Variants in CD9 observed in about 807,000 individuals in gnomAD.
CD9 encodes CD9 antigen.
In CD9, 10 loss-of-function variants were observed where a neutral mutation model predicts 31.4. The ratio of observed to expected loss-of-function variants is 0.32; its 90% CI spans 0.20 to 0.54. CD9 has a LOEUF of 0.54. Among genes scored for constraint, CD9 ranks in the 20% least tolerant of loss-of-function variants. CD9 has a pLI of 0.94. For missense variants in CD9, 259 were observed against 300.1 expected (o/e 0.86, Z 1.01); for synonymous variants, 113 against 114.1 (o/e 0.99, Z 0.06).
intron 1 of CD9, among the ~76,000 whole-genome samples, chr12:6,220,622 A>G (rs1390291832): frequency 6.6e-6 from 1 of 152,236 alleles, no homozygotes; most frequent in Non-Finnish European, 1.5e-5. Context: ...GCAGAGGCAG[A>G]CCTGCATAGT....
chr12:6,237,756 C>G lies in CD9; in HGVS notation c.622-7C>G. On this transcript the variant is annotated splice_region_variant and splice_polypyrimidine_tract_variant and intron_variant, in intron 7 of 7. Transcript: ENST00000009180. The stretch of plus-strand genomic sequence containing the variant: ...CCCTGATCCTCATGTTTCTTCCTAT[C>G]TCCTAGATATTTGGCATGATCTTCA... 6.2e-7 allele frequency: 1 copy of G among 1,609,350 alleles called. No homozygotes were observed. Among genetic ancestry groups the G allele is most frequent in the South Asian group, 1.1e-5 (1 of 90,928 alleles).
At chr12:6,206,639 GC>G (rs1946135917) in intron 1 of CD9, among the ~76,000 whole-genome samples, 3 of 152,294 alleles carry the variant, frequency 2.0e-5, no homozygotes, top group Admixed American at 2.0e-4. Context: ...GTGATGGCAT[GC>G]AGCCGTAGAA....
At chr12:6,235,017 G>A (rs948071162) in intron 4 of CD9, among the ~76,000 whole-genome samples, 18 of 152,342 alleles carry the variant, frequency 1.2e-4, no homozygotes, top group Non-Finnish European at 2.1e-4. Flanking sequence ...CAGCCCGAGT[G>A]GGTTTCTGGA....
intron 1 of CD9, among the ~76,000 whole-genome samples, chr12:6,207,180 C>G (rs569414607): frequency 6.6e-6 from 1 of 152,326 alleles, no homozygotes; most frequent in South Asian, 2.1e-4. Context: ...CCACGCCCAG[C>G]CTGAGCTCAC....
rs374468804 is a variant in CD9, at chr12:6,235,327, G to A, written c.447G>A (p.Ala149=). 8 of 1,614,076 alleles carry A rather than the reference G, an allele frequency of 5.0e-6. No individual in the cohort carries two copies. Among genetic ancestry groups the A allele is most frequent in the African/African-American group, 4.0e-5 (3 of 74,936 alleles). ...AAACGCTGAAAGCCATCCACTATGC[G>A]GTATGTCGCCTTGGCAAAGACACCC... ...QRETLKAIHY[A]LNCCGLAGGV... is the part of the protein sequence containing the mutation. Residue 149 remains alanine, a splice_region_variant and synonymous_variant, in exon 5 of 8, where the codon GCG becomes GCA. Coordinates refer to ENST00000009180, the MANE Select transcript of CD9 (RefSeq NM_001769.4).
intron 1 of CD9, among the ~76,000 whole-genome samples, chr12:6,204,645 G>A (rs1467386014): frequency 1.3e-5 from 2 of 152,206 alleles, no homozygotes; most frequent in African/African-American, 2.4e-5. Context: ...TCACCAGATG[G>A]GGCTGGTGAC....
At chr12:6,201,394 C>G (rs1223907384) in intron 1 of CD9, among the ~76,000 whole-genome samples, 1 of 152,238 alleles carries the variant, frequency 6.6e-6, no homozygotes, top group Non-Finnish European at 1.5e-5. Context: ...GATCAGGTGC[C>G]AGCCAGCTGC....
At chr12:6,224,464 A>G (rs959916748) in intron 1 of CD9, among the ~76,000 whole-genome samples, 4 of 152,072 alleles carry the variant, frequency 2.6e-5, no homozygotes, top group Non-Finnish European at 5.9e-5. Context: ...TCACTGCCAT[A>G]TCGTAAGGGA....
intron 1 of CD9, among the ~76,000 whole-genome samples, chr12:6,219,490 T>C (rs1946272499): frequency 6.6e-6 from 1 of 151,030 alleles, no homozygotes; most frequent in Admixed American, 6.6e-5. Context: ...TGTGGTTTCT[T>C]TTTTTTTTCT....
chr12:6,217,456 G>A (rs925731074), intron 1 of CD9, among the ~76,000 whole-genome samples: 2 of 152,178 alleles, frequency 1.3e-5, no homozygotes, highest in Non-Finnish European at 2.9e-5. Flanking sequence ...GCTTGAGCCC[G>A]GGAAGCAGAG....
At chr12:6,223,033 T>C (rs899159162) in intron 1 of CD9, among the ~76,000 whole-genome samples, 1 of 152,234 alleles carries the variant, frequency 6.6e-6, no homozygotes, top group Non-Finnish European at 1.5e-5. Flanking sequence ...GAGCACTGTC[T>C]CGCTATCTCC....
intron 1 of CD9, among the ~76,000 whole-genome samples, chr12:6,220,958 A>G (rs1266799501): frequency 1.3e-5 from 2 of 152,208 alleles, no homozygotes; most frequent in African/African-American, 4.8e-5. Flanking sequence ...TATCCAGGAC[A>G]CCACAGGACA....
chr12:6,225,626 G>T (rs2136625842), intron 2 of CD9, 92 bp downstream of exon 2: 1 of 779,638 alleles, frequency 1.3e-6, no homozygotes, highest in East Asian at 2.6e-5. Context: ...AGGGACTTGG[G>T]CTTGGGAAAG....
At chr12:6,222,239 A>G (rs191685248) in intron 1 of CD9, among the ~76,000 whole-genome samples, 4 of 152,300 alleles carry the variant, frequency 2.6e-5, no homozygotes, top group Admixed American at 2.6e-4. Context: ...GGGGCAGCTG[A>G]TGGTTCACAT....
chr12:6,233,198 T>C, intron 3 of CD9: 1 of 637,884 alleles, frequency 1.6e-6, no homozygotes, highest in Admixed American at 2.5e-5. Context: ...TCTTTCCTCA[T>C]GTCCGGGCAC....
chr12:6,221,340 A>C (rs1345899195), intron 1 of CD9, among the ~76,000 whole-genome samples: 1 of 152,174 alleles, frequency 6.6e-6, no homozygotes, highest in Non-Finnish European at 1.5e-5. Flanking sequence ...TCTCTCCTGC[A>C]TCCCCGCATC....
At chr12:6,203,332 G>A (rs554960276) in intron 1 of CD9, among the ~76,000 whole-genome samples, 2 of 152,274 alleles carry the variant, frequency 1.3e-5, no homozygotes, top group East Asian at 3.9e-4. Context: ...GAACTGCTTG[G>A]GTGATTATGT....
At chr12:6,236,440 C>A (rs560360408) in intron 7 of CD9, 165 bp downstream of exon 7, 2 of 642,952 alleles carry the variant, frequency 3.1e-6, no homozygotes, top group Non-Finnish European at 2.7e-6. Flanking sequence ...ACAGAGAGGC[C>A]GATGTTCTGA....
chr12:6,206,813 A>G (rs1490572695), intron 1 of CD9, among the ~76,000 whole-genome samples: 1 of 152,170 alleles, frequency 6.6e-6, no homozygotes, highest in Non-Finnish European at 1.5e-5. Context: ...TAACGTTTTT[A>G]GGGAAATTCC....
Sources: gnomAD v4.1 joint callset for allele counts (sites outside exome capture counted in the v4.1 genomes callset) on GRCh38, gnomAD v4.1.1 for gene constraint, MANE v1.5 for transcripts, NCBI Gene and HGNC (gene_info 2026-07-23, HGNC 2026-07-21) for gene names.